SDHA: variants seen among roughly 807,000 people sequenced by gnomAD.
SDHA encodes succinate dehydrogenase complex flavoprotein subunit A.
SDHA carries 48 observed loss-of-function variants against 78.4 expected under a neutral mutation model. The ratio of observed to expected loss-of-function variants is 0.61; its 90% confidence interval spans 0.49 to 0.78. The LOEUF is 0.78. Among genes scored for constraint, SDHA ranks in the 30% least tolerant of loss-of-function variants. The pLI is 0.00. For missense variants in SDHA, 680 were observed against 892.7 expected (o/e 0.76, Z 3.04); for synonymous variants, 326 against 353.9 (o/e 0.92, Z 0.88).
Position 239,620 on chromosome 5 carries a change from A to AC in SDHA, c.1433-737dup. On this transcript the variant is annotated intron_variant, in intron 10 of 14. Coordinates refer to ENST00000264932, the MANE Select transcript of SDHA (RefSeq NM_004168.4). ...TGAGAGCACATAAGAGTCCAAATCA[A>AC]CAGGTGACTTTCAAGCACACAGCAG... 1.3e-5 allele frequency among the ~76,000 whole-genome samples: 2 copies of AC among 152,172 alleles called. 1 individual carries two copies. Among genetic ancestry groups the AC allele is most frequent in the South Asian group, 4.1e-4 (2 of 4,828 alleles).
chr5:243,610 A>G (rs2126611923), intron 11 of SDHA, among the ~76,000 whole-genome samples: 1 of 152,280 alleles, frequency 6.6e-6, no homozygotes, highest in South Asian at 2.1e-4. Flanking sequence ...TAGTGCAGTA[A>G]AACAGGGACC....
chr5:258,200 A>G (rs1404309565), downstream of SDHA, among the ~76,000 whole-genome samples: 30 of 74,242 alleles, frequency 4.0e-4, 1 homozygote, highest in Admixed American at 1.9e-3. Context: ...GGTGAGCTCC[A>G]CCCCCTGCCA....
intron 13 of SDHA, chr5:251,729 C>T (rs1334282208): frequency 7.0e-6 from 10 of 1,432,116 alleles, no homozygotes; most frequent in Admixed American, 2.1e-5. Context: ...GTTAGAAGGC[C>T]AAGGTTAGAA....
chr5:229,293 A>G (rs1735235526), intron 6 of SDHA, among the ~76,000 whole-genome samples: 1 of 152,250 alleles, frequency 6.6e-6, no homozygotes, highest in Admixed American at 6.5e-5. Flanking sequence ...TCAGAAGCTC[A>G]AAGAGACACC....
the SDHA span, among the ~76,000 whole-genome samples, chr5:262,350 G>GTCACA: frequency 1.8e-5 from 2 of 109,116 alleles, no homozygotes; most frequent in Non-Finnish European, 4.1e-5. Context: ...TCCGCCTCCC[G>GTCACA]GCAGAGCATT....
downstream of SDHA, among the ~76,000 whole-genome samples, chr5:258,666 C>T (rs1737369602): frequency 8.6e-6 from 1 of 116,880 alleles, no homozygotes; most frequent in Non-Finnish European, 1.6e-5. Context: ...GTGTGAGCTC[C>T]GCCTCCTGTC....
intron 7 of SDHA, among the ~76,000 whole-genome samples, 197 bp downstream of exon 7, chr5:231,197 T>G (rs1735377995): frequency 6.6e-6 from 1 of 152,180 alleles, no homozygotes; most frequent in Non-Finnish European, 1.5e-5. Context: ...TAAGGCAGTT[T>G]GGGCCACCGT....
rs373509391 is a variant in SDHA at position 233,575 on chromosome 5, C to T, written c.994C>T (p.Pro332Ser). Residue 332 changes from proline (P) to serine (S), a missense_variant, in exon 8 of 15, where the codon CCT becomes TCT. Coordinates refer to ENST00000264932, the MANE Select transcript of SDHA (RefSeq NM_004168.4). ...CGAAAGGTTTATGGAGCGATACGCC[C>T]CTGTCGCGAAGGACCTGGCGTCTAG... ...QGERFMERYA[P>S]VAKDLASRDV... The T allele has an allele frequency of 2.5e-6, 4 of 1,614,192 alleles. No individual in the cohort carries two copies. In the Middle Eastern group the frequency reaches 6.6e-4, roughly 266 times the overall value.
chr5:236,335 C>G, intron 9 of SDHA, 93 bp from the exon 10 acceptor site: 2 of 1,354,002 alleles, frequency 1.5e-6, no homozygotes, highest in East Asian at 4.6e-5. Context: ...ACTTCCCTCT[C>G]TCTGACCTGC....
chr5:249,085 C>T (rs766010817), intron 11 of SDHA: 3 of 435,690 alleles, frequency 6.9e-6, no homozygotes, highest in Admixed American at 2.7e-5. Flanking sequence ...AGCATCCCAG[C>T]ACACCTGACC....
rs138467000 is a variant in SDHA at position 223,335 on chromosome 5, A to G, written c.64-147A>G. On this transcript the variant is annotated intron_variant, in intron 1 of 14. Transcript: ENST00000264932. ...CCTTGGGCTGCCTTCAGGGTTAAGT[A>G]GAGGGTCCCAGCTGAGCTCTCTGGA... 1.5e-3 allele frequency: 1,092 copies of G among 711,960 alleles called. 2 individuals are homozygous for G. Among genetic ancestry groups the G allele is most frequent in the Non-Finnish European group, 2.2e-3 (840 of 385,088 alleles). 44.1% of individuals were successfully genotyped at this position (711,960 alleles called of 1,614,324 possible).
At chr5:250,662 C>T (rs7737077) in intron 11 of SDHA, 64,175 of 366,862 alleles carry the variant, frequency 0.17, 9,289 homozygotes, top group African/African-American at 0.53. Context: ...GGAGAGGCAG[C>T]GCTGCCTGGT....
intron 8 of SDHA, 48 bp from the exon 9 acceptor site, chr5:235,096 C>T (rs780851380): frequency 6.4e-7 from 1 of 1,573,906 alleles, no homozygotes; most frequent in African/African-American, 1.4e-5. Flanking sequence ...CTCAGGTCTC[C>T]TGCCGTTGCC....
Position 235,169 on chromosome 5 carries a change from G to A in SDHA, c.1090G>A (p.Val364Ile), listed in dbSNP as rs372738835. 23 of 1,613,874 alleles carry A rather than the reference G, an allele frequency of 1.4e-5. No individual in the cohort carries two copies. The highest frequency in any genetic ancestry group is 5.0e-5 in the Admixed American group (3 of 60,004). The part of the protein sequence containing the change: ...GRGCGPEKDH[V>I]YLQLHHLPPE... ...AGGCTGTGGCCCTGAGAAAGATCAC[G>A]TCTACCTGCAGCTGCACCACCTACC... The change falls in exon 9 of 15, where the codon GTC becomes ATC. Residue 364 changes from valine (V) to isoleucine (I), a missense_variant. By Grantham distance (29) the Val-to-Ile change is conservative. Coordinates refer to ENST00000264932, the MANE Select transcript of SDHA (RefSeq NM_004168.4).
chr5:238,312 T>A (rs1181084276), intron 10 of SDHA, among the ~76,000 whole-genome samples: 1 of 151,796 alleles, frequency 6.6e-6, no homozygotes, highest in Non-Finnish European at 1.5e-5. Context: ...ACACTAAAAA[T>A]GATGAGTTTA....
At chr5:257,225 C>T (rs1489281395), downstream of SDHA, among the ~76,000 whole-genome samples, 5 of 152,140 alleles carry the variant, frequency 3.3e-5, no homozygotes, top group African/African-American at 9.7e-5. Context: ...ATCAGGGGTC[C>T]CCAATCCCCA....
At chr5:225,706 A>T in intron 4 of SDHA, 144 bp downstream of exon 4, 1 of 1,354,996 alleles carries the variant, frequency 7.4e-7, no homozygotes, top group Non-Finnish European at 1.0e-6. Context: ...TTTTTCCGTT[A>T]TGAACTATGC....
Position 224,533 on chromosome 5 carries a change from G to T in SDHA, c.312+12G>T. The T allele has an allele frequency of 1.2e-6, 2 of 1,611,324 alleles. No individual in the cohort carries two copies. Among genetic ancestry groups the T allele is most frequent in the Non-Finnish European group, 1.7e-6 (2 of 1,179,304 alleles). ...CTGTTGCAGCACAGGTAAGAGAAAG[G>T]TGCCCCACTGTGCTCCCACTCCGTG... On this transcript the variant is annotated intron_variant, in intron 3 of 14. Coordinates refer to ENST00000264932, the MANE Select transcript of SDHA (RefSeq NM_004168.4).
At chr5:231,065 T>C in intron 7 of SDHA, 65 bp downstream of exon 7, 17 of 1,562,172 alleles carry the variant, frequency 1.1e-5, no homozygotes, top group Admixed American at 1.7e-5. Context: ...ATGTGATGCC[T>C]ACTCATTGCT....
Sources: gnomAD v4.1 joint callset for allele counts (sites outside exome capture counted in the v4.1 genomes callset) on GRCh38, gnomAD v4.1.1 for gene constraint, MANE v1.5 for transcripts, NCBI Gene and HGNC (gene_info 2026-07-23, HGNC 2026-07-21) for gene names.